Variants in NUCB1 observed in about 807,000 individuals in gnomAD.
The protein encoded by NUCB1 is nucleobindin 1, also known as nucleobindin-1.
In NUCB1, 47 loss-of-function variants were observed where a neutral mutation model predicts 61.2. The observed-to-expected ratio is 0.77, with a 90% CI of 0.61 to 0.98. The LOEUF is 0.98. Among genes scored for constraint, NUCB1 ranks in the 50% least tolerant of loss-of-function variants. The probability of loss-of-function intolerance (pLI) is 0.00; values close to 1 mark genes in which losing one functional copy is unlikely to be tolerated. For synonymous variants in NUCB1, 234 were observed against 243.1 expected, an observed-to-expected ratio of 0.96 and a Z score of 0.35; for missense variants, 583 against 605.3, an observed-to-expected ratio of 0.96 and a Z score of 0.39.
At chr19:48,905,017 C>T (rs969454390) in intron 3 of NUCB1, among the ~76,000 whole-genome samples, 1 of 152,186 alleles carries the variant, frequency 6.6e-6, no homozygotes, top group Non-Finnish European at 1.5e-5. Flanking sequence ...AGCTATGGGG[C>T]CTCCCCTCAC....
chr19:48,900,577 G>C, intron 1 of NUCB1: 1 of 618,876 alleles, frequency 1.6e-6, no homozygotes, highest in Non-Finnish European at 2.8e-6. Context: ...AGCGTGTTGG[G>C]AGCCAGGACC....
intron 4 of NUCB1, among the ~76,000 whole-genome samples, chr19:48,906,979 C>CT (rs34650330): frequency 0.35 from 50,908 of 144,218 alleles, 11,840 homozygotes; most frequent in African/African-American, 0.68. Context: ...TAATATCTTT[C>CT]TTTTTTTTTT....
chr19:48,911,892 C>T (rs896591037), intron 5 of NUCB1, among the ~76,000 whole-genome samples: 7 of 151,990 alleles, frequency 4.6e-5, no homozygotes, highest in Non-Finnish European at 8.8e-5. Flanking sequence ...GAAACTGAGG[C>T]ACAAAGAGGC....
chr19:48,904,672 C>T (rs2037393828), intron 3 of NUCB1, among the ~76,000 whole-genome samples: 1 of 151,992 alleles, frequency 6.6e-6, no homozygotes, highest in Admixed American at 6.6e-5. Flanking sequence ...TACAGGCGTA[C>T]ACCACCATGC....
intron 4 of NUCB1, among the ~76,000 whole-genome samples, chr19:48,907,765 G>A (rs933487809): frequency 6.6e-6 from 1 of 152,178 alleles, no homozygotes; most frequent in African/African-American, 2.4e-5. Flanking sequence ...GTGCCCTCAG[G>A]CCCGCATTCA....
chr19:48,915,088 A>G (rs1174122282), intron 7 of NUCB1, among the ~76,000 whole-genome samples: 1 of 152,172 alleles, frequency 6.6e-6, no homozygotes, highest in Non-Finnish European at 1.5e-5. Flanking sequence ...TCAAAAAAAC[A>G]AAGAAAAAAA....
In NUCB1 at chr19:48,913,089, A is replaced by G. The variant is rs1288820340; in HGVS notation, c.559A>G (p.Arg187Gly). 1 of 1,613,614 alleles carries G rather than the reference A, an allele frequency of 6.2e-7. No homozygotes were observed. Among genetic ancestry groups the G allele is most frequent in the Non-Finnish European group, 8.5e-7 (1 of 1,179,924 alleles). The change falls in exon 6 of 13, where the codon AGA becomes GGA. Residue 187 changes from arginine (R) to glycine (G), a missense_variant. Coordinates refer to ENST00000405315, the MANE Select transcript of NUCB1 (RefSeq NM_006184.6). Reference sequence around the variant, plus strand: ...CTACGAGATGCTTAAGGAACACGAGAGACGGCGTTATCTGGAGTCACTGGG... The same window carrying G: ...CTACGAGATGCTTAAGGAACACGAGGGACGGCGTTATCTGGAGTCACTGGG... ...KRYEMLKEHERRRYLESLGEE... is the reference protein window; with the variant it reads ...KRYEMLKEHEGRRYLESLGEE...
intron 8 of NUCB1, 105 bp from the exon 9 acceptor site, chr19:48,918,925 C>G: frequency 7.4e-7 from 1 of 1,357,882 alleles, no homozygotes; most frequent in Non-Finnish European, 1.0e-6. Context: ...AAAAACGGCT[C>G]CCAGGAGTGG....
chr19:48,913,304 A>G, intron 6 of NUCB1, 108 bp downstream of exon 6: 1 of 890,796 alleles, frequency 1.1e-6, no homozygotes, highest in Non-Finnish European at 1.7e-6. Flanking sequence ...AGGCAAAAAA[A>G]CTCCCTGTTA....
At chr19:48,915,718 C>G (rs1051688589) in intron 7 of NUCB1, among the ~76,000 whole-genome samples, 5 of 151,656 alleles carry the variant, frequency 3.3e-5, no homozygotes, top group African/African-American at 4.8e-5. Context: ...CCAGGCTGGT[C>G]TCAAACTCCT....
chr19:48,919,452 C>CTTATTTATTTATTTAT (rs35642334), intron 10 of NUCB1, among the ~76,000 whole-genome samples, 166 bp downstream of exon 10: 8 of 141,854 alleles, frequency 5.6e-5, no homozygotes, highest in Non-Finnish European at 9.1e-5. Flanking sequence ...CTCTAGGACT[C>CTTATTTATTTATTTAT]TTATTTATTT....
intron 3 of NUCB1, 75 bp from the exon 4 acceptor site, chr19:48,905,678 A>C: frequency 6.4e-7 from 1 of 1,559,294 alleles, no homozygotes; most frequent in Non-Finnish European, 8.8e-7. Context: ...CTGGGGCATG[A>C]GAAAGCTTAT....
chr19:48,907,272 CTTTTT>C (rs1234696613), intron 4 of NUCB1, among the ~76,000 whole-genome samples: 4 of 122,494 alleles, frequency 3.3e-5, no homozygotes, highest in Admixed American at 1.7e-4. Context: ...CGCGCCTGGC[CTTTTT>C]TTTTTTTTTT....
chr19:48,902,235 C>T (rs577259805), intron 2 of NUCB1, among the ~76,000 whole-genome samples: 20 of 151,770 alleles, frequency 1.3e-4, no homozygotes, highest in African/African-American at 4.8e-4. Context: ...CTCAGCCTCC[C>T]GAGTAGCTGG....
rs1234469071 is a variant in NUCB1, at chr19:48,913,124, G to A, written c.594G>A (p.Gln198=). ...RRYLESLGEE[Q]RKEAERKLEE... is the part of the protein sequence containing the mutation. Reference sequence around the variant, plus strand: ...ATCTGGAGTCACTGGGAGAGGAGCAGAGAAAGGAGGCGGAGAGGAAGCTGG... The same window carrying A: ...ATCTGGAGTCACTGGGAGAGGAGCAAAGAAAGGAGGCGGAGAGGAAGCTGG... Residue 198 remains glutamine, a synonymous_variant, in exon 6 of 13, where the codon CAG becomes CAA. Transcript: ENST00000405315. 1 of 1,613,890 alleles carries A rather than the reference G, an allele frequency of 6.2e-7. No individual in the cohort carries two copies. Among genetic ancestry groups the A allele is most frequent in the African/African-American group, 1.3e-5 (1 of 74,904 alleles).
At chr19:48,916,162 G>A (rs1380758251) in intron 7 of NUCB1, among the ~76,000 whole-genome samples, 1 of 148,352 alleles carries the variant, frequency 6.7e-6, no homozygotes, top group Non-Finnish European at 1.5e-5. Context: ...AGAATCTTTT[G>A]GTATTTGTCG....
At chr19:48,910,503 T>C (rs893039109) in intron 4 of NUCB1, among the ~76,000 whole-genome samples, 1 of 151,652 alleles carries the variant, frequency 6.6e-6, no homozygotes, top group Non-Finnish European at 1.5e-5. Flanking sequence ...CTGGCCAACA[T>C]GGTGAAACCC....
At chr19:48,920,792 G>A (rs565275414) in intron 10 of NUCB1, among the ~76,000 whole-genome samples, 1 of 152,166 alleles carries the variant, frequency 6.6e-6, no homozygotes, top group African/African-American at 2.4e-5. Context: ...GAAAGTGCTG[G>A]GATTACAGGT....
chr19:48,912,913 C>A, intron 5 of NUCB1, 98 bp from the exon 6 acceptor site: 1 of 839,662 alleles, frequency 1.2e-6, no homozygotes, highest in Non-Finnish European at 1.8e-6. Context: ...CTGGGGCTGC[C>A]CTCAGCCAGG....
Sources: allele counts gnomAD v4.1 joint callset (sites outside exome capture counted in the v4.1 genomes callset), GRCh38; gene constraint gnomAD v4.1.1; transcripts MANE v1.5; gene names NCBI Gene and HGNC (gene_info 2026-07-23, HGNC 2026-07-21).